The following UCHL3 variants were observed in gnomAD, a reference collection of about 807,000 sequenced individuals.
The protein encoded by UCHL3 is ubiquitin carboxyl-terminal hydrolase isozyme L3.
Under a neutral mutation model 35.8 loss-of-function variants are expected in UCHL3, and 22 were observed. The ratio of observed to expected loss-of-function variants is 0.61; its 90% CI spans 0.44 to 0.88. The LOEUF is 0.88. Ranked by LOEUF, UCHL3 falls within the 40% of genes least tolerant of loss-of-function variation. The pLI, the probability that UCHL3 is intolerant of heterozygous loss-of-function variation, is 0.00. For synonymous variants in UCHL3, 90 were observed against 92.8 expected (o/e 0.97, Z 0.17); for missense variants, 229 against 276.9 (o/e 0.83, Z 1.23).
At chr13:75,575,177 C>CGAAA (rs1010466977) in intron 6 of UCHL3, among the ~76,000 whole-genome samples, 1 of 152,102 alleles carries the variant, frequency 6.6e-6, no homozygotes, top group African/African-American at 2.4e-5. Context: ...ATACAGTAGT[C>CGAAA]TTTTTCAGAA....
chr13:75,571,003 A>G (rs1202079507), intron 6 of UCHL3, among the ~76,000 whole-genome samples: 6 of 152,186 alleles, frequency 3.9e-5, no homozygotes, highest in Non-Finnish European at 8.8e-5. Context: ...ACACAGACAC[A>G]TAAGAGGCCC....
chr13:75,576,261 GCT>G (rs1249582376), intron 6 of UCHL3, among the ~76,000 whole-genome samples: 1 of 151,554 alleles, frequency 6.6e-6, no homozygotes, highest in Admixed American at 6.6e-5. Context: ...GTGAAGTCTC[GCT>G]CTGTCTCCCA....
chr13:75,600,680 A>T (rs534476508), intron 7 of UCHL3, among the ~76,000 whole-genome samples: 3 of 152,252 alleles, frequency 2.0e-5, no homozygotes, highest in Non-Finnish European at 4.4e-5. Context: ...TTGTAATCCA[A>T]GAAGTCCGAT....
chr13:75,561,185 G>A (rs1057090994), intron 3 of UCHL3, among the ~76,000 whole-genome samples: 1 of 152,048 alleles, frequency 6.6e-6, no homozygotes, highest in Non-Finnish European at 1.5e-5. Flanking sequence ...CTCCCGCATC[G>A]GTCTCCCAAA....
intron 6 of UCHL3, among the ~76,000 whole-genome samples, chr13:75,587,358 A>G (rs1366768112): frequency 6.6e-6 from 1 of 152,086 alleles, no homozygotes; most frequent in Non-Finnish European, 1.5e-5. Flanking sequence ...CTTAGATTAG[A>G]TCCTGGGGGA....
chr13:75,580,332 A>G (rs971955682), intron 6 of UCHL3, among the ~76,000 whole-genome samples: 13 of 152,314 alleles, frequency 8.5e-5, no homozygotes, highest in Admixed American at 3.3e-4. Context: ...GAAATTTACT[A>G]AAAAATCTAC....
At chr13:75,578,847 A>G (rs1428671039) in intron 6 of UCHL3, among the ~76,000 whole-genome samples, 2 of 152,022 alleles carry the variant, frequency 1.3e-5, no homozygotes, top group Admixed American at 6.5e-5. Flanking sequence ...TACATAATTA[A>G]AGATACATGT....
chr13:75,560,167 T>C (rs2031445357), intron 2 of UCHL3, among the ~76,000 whole-genome samples: 3 of 152,202 alleles, frequency 2.0e-5, no homozygotes, highest in Admixed American at 2.0e-4. Flanking sequence ...ATTGATACAA[T>C]TCATGGCTAT....
At chr13:75,581,298 A>C (rs2032174550) in intron 6 of UCHL3, among the ~76,000 whole-genome samples, 1 of 151,998 alleles carries the variant, frequency 6.6e-6, no homozygotes, top group Non-Finnish European at 1.5e-5. Flanking sequence ...ATTTTAACAT[A>C]ATTTAGATTT....
intron 6 of UCHL3, among the ~76,000 whole-genome samples, chr13:75,581,361 T>C (rs1724697144): frequency 1.3e-5 from 2 of 151,560 alleles, no homozygotes; most frequent in Non-Finnish European, 2.9e-5. Context: ...TTTTTTTTTT[T>C]TTCCTTGAGA....
intron 8 of UCHL3, 141 bp from the exon 9 acceptor site, chr13:75,605,588 T>G: frequency 1.3e-6 from 1 of 779,974 alleles, no homozygotes; most frequent in Non-Finnish European, 2.0e-6. Context: ...ATGTTCACTT[T>G]TCTGGTGTTC....
intron 6 of UCHL3, among the ~76,000 whole-genome samples, chr13:75,592,492 G>A (rs1284238844): frequency 5.7e-5 from 2 of 35,108 alleles, no homozygotes; most frequent in South Asian, 1.6e-3. Flanking sequence ...CCCATCTATA[G>A]CCTTTTTTTT....
At chr13:75,568,198 A>C (rs1471366392) in intron 5 of UCHL3, among the ~76,000 whole-genome samples, 1 of 152,118 alleles carries the variant, frequency 6.6e-6, no homozygotes, top group African/African-American at 2.4e-5. Context: ...CCTTTTAATA[A>C]CATTATTAAA....
chr13:75,597,729 G>C (rs2032680581), intron 7 of UCHL3, among the ~76,000 whole-genome samples: 1 of 152,130 alleles, frequency 6.6e-6, no homozygotes, highest in Non-Finnish European at 1.5e-5. Flanking sequence ...GTCCCCCACA[G>C]ATATGGAGAG....
At chr13:75,599,070 G>C (rs1414167702) in intron 7 of UCHL3, among the ~76,000 whole-genome samples, 1 of 151,662 alleles carries the variant, frequency 6.6e-6, no homozygotes, top group African/African-American at 2.4e-5. Flanking sequence ...CTGGGCTCCA[G>C]CAATCCCCTT....
Position 75,594,623 on chromosome 13 carries a change from G to C in UCHL3, c.475-292G>C, listed in dbSNP as rs141987941. Among the ~76,000 whole-genome samples the C allele has an allele frequency of 4.4e-3, 664 of 152,196 alleles. 2 individuals are homozygous for C. The highest frequency in any genetic ancestry group is 6.0e-3 in the Non-Finnish European group (408 of 67,986). ...GCAATGTGCATATACTGTATACCAG[G>C]CATTGTGCTAAGTGCTGAGGCTTCT... On this transcript the variant is annotated intron_variant, in intron 6 of 8. Transcript: ENST00000377595.
chr13:75,569,567 T>C, intron 6 of UCHL3, 60 bp downstream of exon 6: 1 of 1,469,966 alleles, frequency 6.8e-7, no homozygotes. Flanking sequence ...AATTTCTTGC[T>C]GTAAATTTAA....
intron 5 of UCHL3, among the ~76,000 whole-genome samples, chr13:75,568,929 G>C (rs1437196637): frequency 6.6e-6 from 1 of 152,036 alleles, no homozygotes; most frequent in African/African-American, 2.4e-5. Context: ...TGCAAATAGT[G>C]GGTACTATAA....
intron 6 of UCHL3, among the ~76,000 whole-genome samples, chr13:75,580,075 G>A (rs1213826041): frequency 6.6e-6 from 1 of 152,154 alleles, no homozygotes; most frequent in Non-Finnish European, 1.5e-5. Flanking sequence ...AGAATATCTT[G>A]ATGTCTGTGG....
Sources: allele counts gnomAD v4.1 joint callset (sites outside exome capture counted in the v4.1 genomes callset), GRCh38; gene constraint gnomAD v4.1.1; transcripts MANE v1.5; gene names NCBI Gene and HGNC (gene_info 2026-07-23, HGNC 2026-07-21).